WDR36: variants seen among roughly 807,000 people sequenced by gnomAD.
WDR36 encodes WD repeat-containing protein 36.
WDR36 carries 63 observed loss-of-function variants against 112.7 expected under a neutral mutation model. That is an observed-to-expected ratio of 0.56 (90% CI 0.46 to 0.69). WDR36 has a LOEUF of 0.69. Ranked by LOEUF, WDR36 falls within the 30% of genes least tolerant of loss-of-function variation. The pLI is 0.00. For missense variants in WDR36, 1,226 were observed against 1,070.3 expected (o/e 1.15, Z -2.03); for synonymous variants, 410 against 362.2 (o/e 1.13, Z -1.50).
chr5:111,110,732 C>A lies in WDR36; in HGVS notation c.1442-56C>A, dbSNP rs376794389. ...TGAAGGAATCACTGTGTGTATTGTT[C>A]AGAGAGAAACACTGCCAATTCTGAT... On this transcript the variant is annotated intron_variant, in intron 13 of 22. Transcript: ENST00000513710. 137 of 1,558,198 alleles carry A rather than the reference C, an allele frequency of 8.8e-5. No individual in the cohort carries two copies. The East Asian group carries it at 2.8e-3, about 32-fold the overall frequency.
chr5:111,126,190 A>C (rs959157499), intron 22 of WDR36, among the ~76,000 whole-genome samples: 1 of 151,816 alleles, frequency 6.6e-6, no homozygotes, highest in African/African-American at 2.4e-5. Context: ...GGTTAGTTAC[A>C]TTTTGGAAGT....
chr5:111,104,390 A>G lies in WDR36; in HGVS notation c.906+38A>G, dbSNP rs189333442. On this transcript the variant is annotated intron_variant, in intron 8 of 22. Transcript: ENST00000513710. Reference sequence around the variant, plus strand: ...TTGTTAACATCTTCCTGGCTCATCTAACTTACCCTTTGGGTTATTACAAGC... The same window carrying G: ...TTGTTAACATCTTCCTGGCTCATCTGACTTACCCTTTGGGTTATTACAAGC... 18 of 1,610,568 alleles carry G rather than the reference A, an allele frequency of 1.1e-5. No individual in the cohort carries two copies. The East Asian group carries it at 2.9e-4, about 26-fold the overall frequency.
chr5:111,123,204 T>A (rs543248913), intron 19 of WDR36, among the ~76,000 whole-genome samples: 72 of 152,342 alleles, frequency 4.7e-4, no homozygotes, highest in African/African-American at 1.7e-3. Context: ...TTTGCTAATA[T>A]AATTTTACTA....
intron 19 of WDR36, 66 bp from the exon 20 acceptor site, chr5:111,123,739 A>C: frequency 1.3e-6 from 2 of 1,584,332 alleles, no homozygotes; most frequent in Non-Finnish European, 1.7e-6. Flanking sequence ...AATTGATTTG[A>C]AATTAAATAT....
chr5:111,097,195 C>T lies in WDR36; in HGVS notation c.291+16C>T, dbSNP rs1488203242. The stretch of plus-strand genomic sequence containing the variant: ...TAATAAAGAGGTTGGTATCGCTAAA[C>T]TACTTGTTTGTCAGTCAGTATTTGT... On this transcript the variant is annotated intron_variant, in intron 3 of 22. Coordinates refer to ENST00000513710, the MANE Select transcript of WDR36 (RefSeq NM_139281.3). 2 of 1,578,440 alleles carry T rather than the reference C, an allele frequency of 1.3e-6. No homozygotes were observed. Among genetic ancestry groups the T allele is most frequent in the Middle Eastern group, 1.7e-4 (1 of 6,008 alleles).
intron 4 of WDR36, 28 bp downstream of exon 4, chr5:111,098,867 A>C: frequency 7.1e-7 from 1 of 1,399,620 alleles, no homozygotes; most frequent in Non-Finnish European, 1.0e-6. Flanking sequence ...TATTTGCTTT[A>C]TCTTAGGGTA....
chr5:111,107,501 T>A, intron 12 of WDR36, 62 bp downstream of exon 12: 1 of 1,580,088 alleles, frequency 6.3e-7, no homozygotes, highest in South Asian at 1.1e-5. Flanking sequence ...AATCTTGTTA[T>A]ACTCAAGGTT....
chr5:111,097,751 T>TAA lies in WDR36; in HGVS notation c.291+573_291+574dup, dbSNP rs765614540. Among the ~76,000 whole-genome samples, 68 of 152,256 alleles carry TAA rather than the reference T, an allele frequency of 4.5e-4. 1 individual carries two copies. Among genetic ancestry groups the TAA allele is most frequent in the Admixed American group, 2.9e-3 (45 of 15,296 alleles). On this transcript the variant is annotated intron_variant, in intron 3 of 22. Transcript: ENST00000513710. Reference sequence around the variant, plus strand: ...ACTAGCTTGAGAAGTGACCTGGCCTTAATGGTCTAGAATGAAAGGAAATGT... The same window carrying TAA: ...ACTAGCTTGAGAAGTGACCTGGCCTTAAAATGGTCTAGAATGAAAGGAAATGT...
At chr5:111,110,755 G>GT (rs770277279) in intron 13 of WDR36, 33 bp from the exon 14 acceptor site, 33 of 1,561,642 alleles carry the variant, frequency 2.1e-5, no homozygotes, top group Middle Eastern at 1.7e-4. Flanking sequence ...TGCCAATTCT[G>GT]ATTTTTTTTT....
chr5:111,099,475 T>TTTTTTTTTTTTTGTTTTTTTTTTTTG (rs1753073740), intron 4 of WDR36, among the ~76,000 whole-genome samples: 2 of 136,216 alleles, frequency 1.5e-5, no homozygotes, highest in African/African-American at 5.5e-5. Context: ...TTTTTTTTTT[T>TTTTTTTTTTTTTGTTTTTTTTTTTTG]TTTTTTTTTC....
chr5:111,107,239 T>C, intron 11 of WDR36, 55 bp from the exon 12 acceptor site: 1 of 1,569,610 alleles, frequency 6.4e-7, no homozygotes. Flanking sequence ...TAATAAGTAA[T>C]AAATGAATAA....
At chr5:111,120,902 A>G (rs1753552053) in intron 18 of WDR36, 94 bp from the exon 19 acceptor site, 1 of 1,118,666 alleles carries the variant, frequency 8.9e-7, no homozygotes, top group Admixed American at 1.9e-5. Context: ...GCTGCATTAA[A>G]TGAACATGTT....
rs1753239516 is a variant in WDR36, at chr5:111,107,318, A to G, written c.1205A>G (p.Asp402Gly). Reference protein sequence around the residue: ...AAEEARESDWDGIIACHQGKL... With the variant: ...AAEEARESDWGGIIACHQGKL... ...GAGGAAGCTCGTGAAAGTGACTGGGATGGTATCATTGCTTGCCATCAAGGT... is the reference window on the plus strand; with the variant it reads ...GAGGAAGCTCGTGAAAGTGACTGGGGTGGTATCATTGCTTGCCATCAAGGT... Residue 402 changes from aspartate to glycine, a missense_variant, in exon 12 of 23, where the codon GAT becomes GGT. Coordinates refer to ENST00000513710, the MANE Select transcript of WDR36 (RefSeq NM_139281.3). 1.9e-6 allele frequency: 3 copies of G among 1,610,162 alleles called. No homozygotes were observed. The highest frequency in any genetic ancestry group is 1.7e-6 in the Non-Finnish European group (2 of 1,177,552).
intron 15 of WDR36, among the ~76,000 whole-genome samples, chr5:111,111,941 A>G (rs1370473437): frequency 6.6e-6 from 1 of 151,918 alleles, no homozygotes; most frequent in Non-Finnish European, 1.5e-5. Flanking sequence ...AAATAAAAAT[A>G]AAATCTTAAT....
rs1191258980 is a variant in WDR36 at position 111,104,322 on chromosome 5, T to C, written c.876T>C (p.Leu292=). 6.2e-7 allele frequency: 1 copy of C among 1,611,900 alleles called. No individual in the cohort carries two copies. Among genetic ancestry groups the C allele is most frequent in the African/African-American group, 1.3e-5 (1 of 74,776 alleles). Reference sequence around the variant, plus strand: ...CATTTCTCCATAGAGAGCCACTTCTTGTCACAAATGGCGCTGACAATGCTC... The same window carrying C: ...CATTTCTCCATAGAGAGCCACTTCTCGTCACAAATGGCGCTGACAATGCTC... ...GLTFLHREPL[L]VTNGADNALR... is the part of the protein sequence containing the mutation. Residue 292 remains leucine, a synonymous_variant, in exon 8 of 23, where the codon CTT becomes CTC. Transcript: ENST00000513710.
chr5:111,117,246 G>A (rs77793850), intron 16 of WDR36, among the ~76,000 whole-genome samples: 36,342 of 152,054 alleles, frequency 0.24, 5,597 homozygotes, highest in Non-Finnish European at 0.34. Context: ...ACACTTTGAT[G>A]TGTGTGTGTT....
rs1388577075 is a variant in WDR36 at position 111,106,153 on chromosome 5, T to G, written c.1180+10T>G. On this transcript the variant is annotated intron_variant, in intron 11 of 22. Coordinates refer to ENST00000513710, the MANE Select transcript of WDR36 (RefSeq NM_139281.3). ...ACAAAGTTTGCAGCAGGTAAGTAACTTCAAACTGTGTTTTGAGAAGTTCTC... is the reference window on the plus strand; with the variant it reads ...ACAAAGTTTGCAGCAGGTAAGTAACGTCAAACTGTGTTTTGAGAAGTTCTC... 6.2e-7 allele frequency: 1 copy of G among 1,605,378 alleles called. No individual in the cohort carries two copies. Among genetic ancestry groups the G allele is most frequent in the Admixed American group, 1.7e-5 (1 of 59,668 alleles).
chr5:111,106,901 C>A (rs762898902), intron 11 of WDR36, among the ~76,000 whole-genome samples: 1 of 151,116 alleles, frequency 6.6e-6, no homozygotes, highest in African/African-American at 2.4e-5. Flanking sequence ...GTTATCCCCC[C>A]CAGGTAATTT....
chr5:111,116,709 A>G (rs1753463604), intron 16 of WDR36, among the ~76,000 whole-genome samples: 1 of 152,188 alleles, frequency 6.6e-6, no homozygotes, highest in African/African-American at 2.4e-5. Context: ...GCAGTGTAGA[A>G]TATGCTGTGT....
Sources: allele counts gnomAD v4.1 joint callset (sites outside exome capture counted in the v4.1 genomes callset), GRCh38; gene constraint gnomAD v4.1.1; transcripts MANE v1.5; gene names NCBI Gene and HGNC (gene_info 2026-07-23, HGNC 2026-07-21).